Variants in FAM199X observed in about 807,000 individuals in gnomAD.
The protein encoded by FAM199X is protein FAM199X.
Under a neutral mutation model 22.9 loss-of-function variants are expected in FAM199X, and 4 were observed. That is an observed-to-expected ratio of 0.17 (90% CI 0.09 to 0.40). FAM199X has a LOEUF of 0.40. Ranked by LOEUF, FAM199X falls within the 10% of genes least tolerant of loss-of-function variation. The probability of loss-of-function intolerance (pLI) is 1.00; values close to 1 mark genes in which losing one functional copy is unlikely to be tolerated. For missense variants in FAM199X, 183 were observed against 306.8 expected, an observed-to-expected ratio of 0.60 and a Z score of 3.01; for synonymous variants, 101 against 112.3, an observed-to-expected ratio of 0.90 and a Z score of 0.64.
upstream of FAM199X, among the ~76,000 whole-genome samples, chrX:104,164,551 C>A (rs1032526799): frequency 1.5e-4 from 17 of 111,426 alleles, no homozygotes; most frequent in African/African-American, 5.2e-4. Context: ...TTTAAAAAAA[C>A]ACCCACCTCT....
intron 1 of FAM199X, among the ~76,000 whole-genome samples, chrX:104,172,822 C>T (rs1556375656): frequency 9.1e-6 from 1 of 110,129 alleles, no homozygotes; most frequent in Non-Finnish European, 1.9e-5. Flanking sequence ...TAGCACCGAA[C>T]ATAGTACTTG....
chrX:104,161,304 G>A, the FAM199X span, among the ~76,000 whole-genome samples: 1 of 112,012 alleles, frequency 8.9e-6, no homozygotes, highest in African/African-American at 3.2e-5. Flanking sequence ...GTCTCATGGA[G>A]TATTTTAGTT....
chrX:104,191,598 G>A lies in FAM199X; in HGVS notation c.*1820G>A, dbSNP rs1199822183. 4.5e-5 allele frequency: 5 copies of A among 110,667 alleles called. No individual in the cohort carries two copies. The highest frequency in any genetic ancestry group is 1.7e-4 in the African/African-American group (5 of 29,802). 9.1% of individuals were successfully genotyped at this position (110,667 alleles called of 1,213,427 possible). Reference sequence around the variant, plus strand: ...GTTTTCCCTTCCAAGTATAGGAAGAGCAAATAGAGCATAGTAACTGTATCT... The same window carrying A: ...GTTTTCCCTTCCAAGTATAGGAAGAACAAATAGAGCATAGTAACTGTATCT... On this transcript the variant is annotated 3_prime_UTR_variant, in exon 6 of 6. Coordinates refer to ENST00000493442, the MANE Select transcript of FAM199X (RefSeq NM_207318.4).
chrX:104,162,278 C>T (rs1159295707), upstream of FAM199X, among the ~76,000 whole-genome samples: 2 of 111,306 alleles, frequency 1.8e-5, no homozygotes, highest in East Asian at 5.7e-4. Flanking sequence ...GGGTGTATGA[C>T]CTCTAGTCAG....
chrX:104,160,171 C>T, the FAM199X span, among the ~76,000 whole-genome samples: 1 of 111,906 alleles, frequency 8.9e-6, no homozygotes, highest in African/African-American at 3.2e-5. Context: ...GCAGAGCCAT[C>T]GTACCCATCT....
At chrX:104,168,141 A>G (rs1569466421) in intron 1 of FAM199X, among the ~76,000 whole-genome samples, 1 of 112,559 alleles carries the variant, frequency 8.9e-6, no homozygotes. Context: ...AATGAAAGTT[A>G]TAGTCTATGG....
upstream of FAM199X, among the ~76,000 whole-genome samples, chrX:104,165,569 ATAT>A (rs782346774): frequency 9.8e-5 from 11 of 112,151 alleles, no homozygotes; most frequent in East Asian, 3.1e-3. Context: ...TTATAAAATA[ATAT>A]TAGGTAGTTT....
intron 2 of FAM199X, among the ~76,000 whole-genome samples, chrX:104,178,192 C>T (rs782600803): frequency 3.6e-5 from 4 of 109,942 alleles, no homozygotes; most frequent in Admixed American, 9.7e-5. Context: ...GACAGAGTCC[C>T]GCTCAGCTCA....
At chrX:104,160,745 T>G in the FAM199X span, among the ~76,000 whole-genome samples, 2 of 112,477 alleles carry the variant, frequency 1.8e-5, no homozygotes, top group Admixed American at 1.9e-4. Context: ...CAAGTACTAG[T>G]TAAGAGTAAT....
chrX:104,167,558 C>T (rs1921244843), intron 1 of FAM199X, among the ~76,000 whole-genome samples: 1 of 109,906 alleles, frequency 9.1e-6, no homozygotes, highest in Admixed American at 9.8e-5. Context: ...TCGATTCTCT[C>T]TTTTTTTCCT....
chrX:104,170,328 G>A (rs1921319619), intron 1 of FAM199X, among the ~76,000 whole-genome samples: 1 of 111,844 alleles, frequency 8.9e-6, no homozygotes, highest in African/African-American at 3.3e-5. Flanking sequence ...GTTGCAGGTG[G>A]GAGAACCATG....
upstream of FAM199X, among the ~76,000 whole-genome samples, chrX:104,163,201 T>A (rs1556372996): frequency 1.8e-5 from 2 of 110,803 alleles, no homozygotes; most frequent in Admixed American, 1.9e-4. Flanking sequence ...TTGGGTTAAG[T>A]CCAGTATATT....
At chrX:104,172,561 A>G (rs1412994391) in intron 1 of FAM199X, among the ~76,000 whole-genome samples, 1 of 112,131 alleles carries the variant, frequency 8.9e-6, no homozygotes, top group East Asian at 2.8e-4. Flanking sequence ...AAAGACTTCT[A>G]AGAACATTCA....
At chrX:104,167,954 ATAAAT>A (rs1222103570) in intron 1 of FAM199X, among the ~76,000 whole-genome samples, 1 of 111,221 alleles carries the variant, frequency 9.0e-6, no homozygotes, top group African/African-American at 3.3e-5. Flanking sequence ...AATACTGGAG[ATAAAT>A]TAAGAAATCT....
At chrX:104,171,910 A>G (rs782799543) in intron 1 of FAM199X, among the ~76,000 whole-genome samples, 2 of 111,966 alleles carry the variant, frequency 1.8e-5, no homozygotes, top group Non-Finnish European at 3.8e-5. Flanking sequence ...GGAAGGGAAC[A>G]CAATCCTAGA....
In FAM199X at chrX:104,195,638, G is replaced by A. The variant is rs1922044234; in HGVS notation, c.*5860G>A. On this transcript the variant is annotated 3_prime_UTR_variant, in exon 6 of 6. Coordinates refer to ENST00000493442, the MANE Select transcript of FAM199X (RefSeq NM_207318.4). ...TCTGAGCAGTTCTATGTATGGAGGA[G>A]CAATTCAGCTTTTCAGCAGCAACTT... 9.0e-6 allele frequency: 1 copy of A among 111,261 alleles called. No homozygotes were observed. Among genetic ancestry groups the A allele is most frequent in the Non-Finnish European group, 1.9e-5 (1 of 52,984 alleles). The allele number at this position is 111,261 out of a possible 1,213,427, so 9.2% of individuals were successfully genotyped here. A position where few individuals can be genotyped will look rare whatever the true frequency, so the allele number is the denominator to read the frequency against.
At position 104,195,022 on chromosome X, in the gene FAM199X, A is replaced by C. The variant is rs1922024320; in HGVS notation, c.*5244A>C. 1 of 110,163 alleles carries C rather than the reference A, an allele frequency of 9.1e-6. No individual in the cohort carries two copies. Among genetic ancestry groups the C allele is most frequent in the Non-Finnish European group, 1.9e-5 (1 of 52,771 alleles). 9.1% of individuals were successfully genotyped at this position (110,163 alleles called of 1,213,427 possible). On this transcript the variant is annotated 3_prime_UTR_variant, in exon 6 of 6. Transcript: ENST00000493442. ...CCTGAAGCTGTGAGGGAATAACAATAGTTGTATCATAAGTCGTTTCTATTT... is the reference window on the plus strand; with the variant it reads ...CCTGAAGCTGTGAGGGAATAACAATCGTTGTATCATAAGTCGTTTCTATTT...
In FAM199X at chrX:104,193,037, A is replaced by G. The variant is rs781837497; in HGVS notation, c.*3259A>G. The G allele has an allele frequency of 3.6e-5, 4 of 111,682 alleles. No homozygotes were observed. The highest frequency in any genetic ancestry group is 1.3e-4 in the African/African-American group (4 of 30,874). 9.2% of individuals were successfully genotyped at this position (111,682 alleles called of 1,213,427 possible). On this transcript the variant is annotated 3_prime_UTR_variant, in exon 6 of 6. Coordinates refer to ENST00000493442, the MANE Select transcript of FAM199X (RefSeq NM_207318.4). ...TGTTTGTTTCTGGGTTCTCCAGCAG[A>G]GACTTTTTGTTTGTGGCTTACTCTG... is the stretch of plus-strand genomic sequence containing the variant.
the FAM199X span, among the ~76,000 whole-genome samples, chrX:104,158,438 C>T: frequency 8.9e-6 from 1 of 112,054 alleles, no homozygotes; most frequent in African/African-American, 3.3e-5. Flanking sequence ...CCTCATCCCA[C>T]CGTTCTGTAA....
Sources: allele counts gnomAD v4.1 joint callset (sites outside exome capture counted in the v4.1 genomes callset), GRCh38; gene constraint gnomAD v4.1.1; transcripts MANE v1.5; gene names NCBI Gene and HGNC (gene_info 2026-07-23, HGNC 2026-07-21).